The following KAT6A variants were observed in gnomAD, a reference collection of about 807,000 sequenced individuals.
KAT6A encodes lysine acetyltransferase 6A, also known as histone acetyltransferase KAT6A.
A neutral mutation model predicts 198.4 loss-of-function variants in KAT6A; 9 were observed. That is an observed-to-expected ratio of 0.05 (90% CI 0.03 to 0.08). KAT6A has a LOEUF of 0.08. KAT6A is among the 10% of genes least tolerant of loss of function. The pLI is 1.00. For synonymous variants in KAT6A, 890 were observed against 883.0 expected (o/e 1.01, Z -0.14); for missense variants, 2,077 against 2,509.9 (o/e 0.83, Z 3.69).
intron 2 of KAT6A, among the ~76,000 whole-genome samples, chr8:41,991,315 A>G (rs1824936463): frequency 6.6e-6 from 1 of 152,254 alleles, no homozygotes; most frequent in African/African-American, 2.4e-5. Flanking sequence ...CAGTAATAAA[A>G]ATAAACAAAT....
chr8:41,995,644 A>G (rs532861815), intron 2 of KAT6A, among the ~76,000 whole-genome samples: 44 of 150,906 alleles, frequency 2.9e-4, no homozygotes, highest in African/African-American at 1.0e-3. Flanking sequence ...CATCTGAGAT[A>G]TTCCCATCTA....
intron 2 of KAT6A, among the ~76,000 whole-genome samples, chr8:42,035,309 A>T (rs1827319547): frequency 1.3e-5 from 2 of 152,212 alleles, no homozygotes; most frequent in Non-Finnish European, 2.9e-5. Flanking sequence ...AAGGAAGTTG[A>T]TAAATTCCAT....
In KAT6A at chr8:41,977,111, G is replaced by A; in HGVS notation, c.1260C>T (p.Ser420=). ...IDGLTKFFTP[S]PDGRKARGEV... is the part of the protein sequence containing the mutation. ...CCCCCCGAGCTTTCCGCCCATCAGGGGAAGGGGTAAAAAATTTGGTAAGGC... is the reference window on the plus strand; with the variant it reads ...CCCCCCGAGCTTTCCGCCCATCAGGAGAAGGGGTAAAAAATTTGGTAAGGC... Residue 420 remains serine, a synonymous_variant, in exon 7 of 17, where the codon TCC becomes TCT. Coordinates refer to ENST00000265713, the MANE Select transcript of KAT6A (RefSeq NM_006766.5). 1 of 1,614,130 alleles carries A rather than the reference G, an allele frequency of 6.2e-7. No individual in the cohort carries two copies. Among genetic ancestry groups the A allele is most frequent in the Non-Finnish European group, 8.5e-7 (1 of 1,180,018 alleles).
At position 41,943,012 on chromosome 8, in the gene KAT6A, GA is replaced by G; in HGVS notation, c.2229-13del. On this transcript the variant is annotated splice_polypyrimidine_tract_variant and intron_variant, in intron 13 of 16. Transcript: ENST00000265713. ...GGATAATCACAAATCTGGAACCAGAGAAAAGTTTATAGCAATCAACAATGTA... is the reference window on the plus strand; with the variant it reads ...GGATAATCACAAATCTGGAACCAGAGAAAGTTTATAGCAATCAACAATGTA... 6.2e-7 allele frequency: 1 copy of G among 1,613,736 alleles called. No homozygotes were observed. Among genetic ancestry groups the G allele is most frequent in the African/African-American group, 1.3e-5 (1 of 75,036 alleles).
chr8:41,942,757 T>C (rs116028414), intron 14 of KAT6A, 36 bp downstream of exon 14: 1 of 1,602,492 alleles, frequency 6.2e-7, no homozygotes, highest in African/African-American at 1.3e-5. Flanking sequence ...AAATATATCT[T>C]CTGTCATCAA....
chr8:42,039,900 A>G (rs1454650808), intron 2 of KAT6A, among the ~76,000 whole-genome samples: 1 of 114,714 alleles, frequency 8.7e-6, no homozygotes, highest in African/African-American at 4.8e-5. Context: ...TGCCTGGCTA[A>G]TATTTTTTTT....
chr8:42,024,593 C>T (rs1381656758), intron 2 of KAT6A, among the ~76,000 whole-genome samples: 2 of 152,142 alleles, frequency 1.3e-5, no homozygotes, highest in Non-Finnish European at 1.5e-5. Flanking sequence ...CCCCACCCCT[C>T]GCCCATCTCA....
intron 2 of KAT6A, among the ~76,000 whole-genome samples, chr8:42,001,037 G>T (rs753739095): frequency 3.3e-5 from 5 of 152,154 alleles, no homozygotes; most frequent in Non-Finnish European, 5.9e-5. Context: ...GAGGAGGAAG[G>T]AGGCTTTACA....
At chr8:41,965,061 C>T (rs1358353453) in intron 8 of KAT6A, among the ~76,000 whole-genome samples, 1 of 152,136 alleles carries the variant, frequency 6.6e-6, no homozygotes, top group Non-Finnish European at 1.5e-5. Flanking sequence ...ATGCAAGTCA[C>T]ACTGTGGAGA....
chr8:41,955,779 C>T (rs1345977110), intron 8 of KAT6A, among the ~76,000 whole-genome samples: 1 of 152,128 alleles, frequency 6.6e-6, no homozygotes, highest in Admixed American at 6.5e-5. Flanking sequence ...GGGAGGGGGA[C>T]ACTGCATATT....
chr8:41,967,857 AAAAC>A (rs1185671687), intron 8 of KAT6A, among the ~76,000 whole-genome samples: 1 of 152,128 alleles, frequency 6.6e-6, no homozygotes, highest in Non-Finnish European at 1.5e-5. Context: ...AAACCTGAGA[AAAAC>A]AAGCAATGGG....
intron 2 of KAT6A, among the ~76,000 whole-genome samples, chr8:42,021,535 TTA>T (rs1826535841): frequency 6.6e-6 from 1 of 152,170 alleles, no homozygotes; most frequent in Non-Finnish European, 1.5e-5. Context: ...ATTAAGTAAT[TTA>T]AAGATCAAAT....
intron 2 of KAT6A, among the ~76,000 whole-genome samples, chr8:42,011,038 T>C (rs1825995955): frequency 2.0e-5 from 3 of 152,206 alleles, no homozygotes; most frequent in Admixed American, 6.5e-5. Flanking sequence ...CCCAGATCAG[T>C]TGTCCCCAAA....
chr8:42,020,229 T>C (rs905534934), intron 2 of KAT6A, among the ~76,000 whole-genome samples: 1 of 152,186 alleles, frequency 6.6e-6, no homozygotes, highest in Admixed American at 6.5e-5. Flanking sequence ...GTTCGCAGAC[T>C]TGAGTAATCA....
intron 5 of KAT6A, 71 bp downstream of exon 5, chr8:41,980,775 A>T (rs1824312688): frequency 9.9e-7 from 1 of 1,014,228 alleles, no homozygotes. Context: ...CATTTAACAA[A>T]GTAGATAAAA....
chr8:41,934,462 G>C lies in KAT6A; in HGVS notation c.3758C>G (p.Ser1253Cys). The C allele has an allele frequency of 6.2e-7, 1 of 1,607,896 alleles. No individual in the cohort carries two copies. Among genetic ancestry groups the C allele is most frequent in the Non-Finnish European group, 8.5e-7 (1 of 1,176,854 alleles). ...DAASSEVPAA[S>C]PADSSNSPET... ...AGGACTATTGCTGCTGTCTGCTGGA[G>C]AGGCTGCTGGGACTTCACTGCTGGC... is the stretch of plus-strand genomic sequence containing the variant. The change falls in exon 17 of 17, where the codon TCT (serine) becomes TGT (cysteine). Residue 1253 changes from serine (S) to cysteine (C), a missense_variant. Ser to Cys is a moderately radical substitution (Grantham distance 112, BLOSUM62 -1). This residue lies in a region of KAT6A where 375 missense variants were observed against 383.0 expected (regional missense o/e 0.98). Transcript: ENST00000265713.
chr8:42,035,579 G>A (rs1476966431), intron 2 of KAT6A, among the ~76,000 whole-genome samples: 3 of 152,132 alleles, frequency 2.0e-5, no homozygotes, highest in African/African-American at 7.2e-5. Flanking sequence ...AACTGAAAAG[G>A]AATTACCAGA....
chr8:41,931,426 A>G lies in KAT6A; in HGVS notation c.*779T>C, dbSNP rs1017068504. 4.3e-5 allele frequency: 9 copies of G among 207,978 alleles called. No individual in the cohort carries two copies. In the East Asian group the frequency reaches 6.6e-4, roughly 15 times the overall value. 12.9% of individuals were successfully genotyped at this position (207,978 alleles called of 1,614,324 possible). A position where few individuals can be genotyped will look rare whatever the true frequency, so the allele number is the denominator to read the frequency against. ...GATTCTGCTGTTAATTGAGACTTAC[A>G]GTATTTTTGTGTCTCTGAGTGCTGA... On this transcript the variant is annotated 3_prime_UTR_variant, in exon 17 of 17. Coordinates refer to ENST00000265713, the MANE Select transcript of KAT6A (RefSeq NM_006766.5).
intron 2 of KAT6A, among the ~76,000 whole-genome samples, chr8:41,987,919 G>T (rs1156782193): frequency 6.6e-6 from 1 of 152,196 alleles, no homozygotes; most frequent in Non-Finnish European, 1.5e-5. Context: ...AAAAGCATGT[G>T]ATCTAGTACA....
Sources: allele counts gnomAD v4.1 joint callset (sites outside exome capture counted in the v4.1 genomes callset), GRCh38; gene constraint gnomAD v4.1.1; regional missense constraint gnomAD v4.1.1; transcripts MANE v1.5; gene names NCBI Gene and HGNC (gene_info 2026-07-23, HGNC 2026-07-21).